Variants in FLT1 observed in about 807,000 individuals in gnomAD.
FLT1 encodes fms related receptor tyrosine kinase 1.
Under a neutral mutation model 156.3 loss-of-function variants are expected in FLT1, and 49 were observed. The observed-to-expected ratio is 0.31, with a 90% CI of 0.25 to 0.40. FLT1 has a LOEUF of 0.40. FLT1 is among the 10% of genes least tolerant of loss of function. FLT1 has a pLI of 1.00. For synonymous variants in FLT1, 594 were observed against 583.8 expected, an observed-to-expected ratio of 1.02 and a Z score of -0.25; for missense variants, 1,322 against 1,637.2, an observed-to-expected ratio of 0.81 and a Z score of 3.32.
At chr13:28,427,132 G>T (rs1300592880) in intron 10 of FLT1, 27 bp downstream of exon 10, 1 of 1,606,890 alleles carries the variant, frequency 6.2e-7, no homozygotes, top group Admixed American at 1.7e-5. Flanking sequence ...GTATTTGAAA[G>T]TTAGTAAAAA....
intron 2 of FLT1, among the ~76,000 whole-genome samples, 155 bp downstream of exon 2, chr13:28,467,366 C>T (rs1879909158): frequency 6.6e-6 from 1 of 152,036 alleles, no homozygotes; most frequent in South Asian, 2.1e-4. Context: ...TCTCCCTTCC[C>T]CATGAATCCC....
chr13:28,301,147 A>G lies in FLT1; in HGVS notation c.*2020T>C. The G allele has an allele frequency of 4.3e-6, 1 of 229,964 alleles. No homozygotes were observed. The highest frequency in any genetic ancestry group is 8.5e-6 in the Non-Finnish European group (1 of 117,302). The allele number at this position is 229,964 out of a possible 1,614,324, so 14.2% of individuals were successfully genotyped here. A position where few individuals can be genotyped will look rare whatever the true frequency, so the allele number is the denominator to read the frequency against. On this transcript the variant is annotated 3_prime_UTR_variant, in exon 30 of 30. Transcript: ENST00000282397. Reference sequence around the variant, plus strand: ...AGCTAAGGTTTTATTTGTTATCACTATTTGCTGGGCTATTATCTGATTTGG... The same window carrying G: ...AGCTAAGGTTTTATTTGTTATCACTGTTTGCTGGGCTATTATCTGATTTGG...
intron 15 of FLT1, among the ~76,000 whole-genome samples, chr13:28,355,319 A>G (rs1263797004): frequency 2.6e-5 from 4 of 152,222 alleles, no homozygotes; most frequent in Non-Finnish European, 5.9e-5. Context: ...AGGATTAAGT[A>G]TGTCACAAGT....
At chr13:28,309,299 A>AGGAT (rs1310999829) in intron 27 of FLT1, among the ~76,000 whole-genome samples, 1 of 152,226 alleles carries the variant, frequency 6.6e-6, no homozygotes, top group Admixed American at 6.5e-5. Context: ...TGCTCTGAAA[A>AGGAT]GGATGTGAGG....
intron 6 of FLT1, among the ~76,000 whole-genome samples, chr13:28,432,806 C>T (rs1218142974): frequency 6.6e-6 from 1 of 152,218 alleles, no homozygotes; most frequent in Non-Finnish European, 1.5e-5. Context: ...AAAGTTTCTT[C>T]CCTCTTGGCA....
intron 16 of FLT1, among the ~76,000 whole-genome samples, chr13:28,344,007 G>GCCCCCCCC (rs1555302045): frequency 2.0e-4 from 29 of 146,090 alleles, no homozygotes; most frequent in Admixed American, 1.1e-3. Flanking sequence ...ATTCACTCTT[G>GCCCCCCCC]CCCCCCACCA....
chr13:28,383,285 G>A (rs1035050292), intron 14 of FLT1, among the ~76,000 whole-genome samples: 11 of 151,828 alleles, frequency 7.2e-5, no homozygotes, highest in Non-Finnish European at 1.6e-4. Flanking sequence ...AATTCCACAA[G>A]TTCCAAAAAC....
chr13:28,440,936 A>G (rs1338855966), intron 3 of FLT1, among the ~76,000 whole-genome samples: 2 of 152,116 alleles, frequency 1.3e-5, no homozygotes, highest in African/African-American at 4.8e-5. Context: ...CCTCCTCCCA[A>G]GAATGTCAGG....
intron 10 of FLT1, among the ~76,000 whole-genome samples, chr13:28,426,847 C>G (rs1215649354): frequency 6.6e-6 from 1 of 152,192 alleles, no homozygotes; most frequent in East Asian, 1.9e-4. Context: ...TAGGGATCTT[C>G]AGTTGAGAAA....
At chr13:28,382,202 T>G (rs938578067) in intron 14 of FLT1, among the ~76,000 whole-genome samples, 1 of 152,112 alleles carries the variant, frequency 6.6e-6, no homozygotes, top group African/African-American at 2.4e-5. Context: ...TTGTGGGAGT[T>G]GTGTAAGGCC....
chr13:28,391,193 T>A (rs1874690548), intron 12 of FLT1, among the ~76,000 whole-genome samples: 1 of 152,198 alleles, frequency 6.6e-6, no homozygotes. Flanking sequence ...CTCTAACATA[T>A]TTTAAACATG....
intron 1 of FLT1, among the ~76,000 whole-genome samples, chr13:28,474,866 C>T (rs1880458235): frequency 6.6e-6 from 1 of 152,000 alleles, no homozygotes; most frequent in South Asian, 2.1e-4. Flanking sequence ...TGAGATTTAC[C>T]TCAATAAAGC....
intron 3 of FLT1, among the ~76,000 whole-genome samples, chr13:28,459,081 A>G (rs1879421457): frequency 1.3e-5 from 2 of 152,254 alleles, no homozygotes; most frequent in African/African-American, 4.8e-5. Flanking sequence ...CAGATGGGCC[A>G]GAAAATTCCT....
chr13:28,467,880 G>A (rs1325647129), intron 1 of FLT1, among the ~76,000 whole-genome samples: 2 of 151,974 alleles, frequency 1.3e-5, no homozygotes, highest in African/African-American at 4.8e-5. Flanking sequence ...TATTTATGTA[G>A]AATGGTAATG....
rs1555297833 is a variant in FLT1, at chr13:28,303,499, C to CCT, written c.3816-132_3816-131insAG. The CCT allele has an allele frequency of 5.1e-6, 4 of 789,994 alleles. No homozygotes were observed. In the East Asian group the frequency reaches 8.0e-5, roughly 16 times the overall value. 48.9% of individuals were successfully genotyped at this position (789,994 alleles called of 1,614,324 possible). A position where few individuals can be genotyped will look rare whatever the true frequency, so the allele number is the denominator to read the frequency against. On this transcript the variant is annotated intron_variant, in intron 29 of 29. Transcript: ENST00000282397. Reference sequence around the variant, plus strand: ...AGAGTTCATGGTTTTGGAACCCCCCCCCCCTCAATTGCTGTCAGATTTCCT... The same window carrying CCT: ...AGAGTTCATGGTTTTGGAACCCCCCCCTCCCCTCAATTGCTGTCAGATTTCCT...
At chr13:28,360,737 T>C (rs1229165810) in intron 14 of FLT1, among the ~76,000 whole-genome samples, 1 of 152,102 alleles carries the variant, frequency 6.6e-6, no homozygotes, top group East Asian at 1.9e-4. Context: ...GGTACAAAGT[T>C]ACAGTTAGAT....
chr13:28,466,780 A>C, intron 3 of FLT1, 123 bp downstream of exon 3: 1 of 745,730 alleles, frequency 1.3e-6, no homozygotes, highest in Non-Finnish European at 2.4e-6. Context: ...CTAGGATGGA[A>C]TCTCTTTCCT....
At chr13:28,397,117 T>C (rs372379948) in intron 11 of FLT1, 49 bp from the exon 12 acceptor site, 27 of 1,046,052 alleles carry the variant, frequency 2.6e-5, no homozygotes, top group Non-Finnish European at 4.1e-5. Context: ...AATAACTAAT[T>C]GAACACCCCA....
chr13:28,422,102 T>G (rs1407048948), intron 10 of FLT1, among the ~76,000 whole-genome samples: 1 of 152,258 alleles, frequency 6.6e-6, no homozygotes, highest in Non-Finnish European at 1.5e-5. Context: ...GTTTTACACG[T>G]GGTTGGTGCC....
Sources: gnomAD v4.1 joint callset for allele counts (sites outside exome capture counted in the v4.1 genomes callset) on GRCh38, gnomAD v4.1.1 for gene constraint, MANE v1.5 for transcripts, NCBI Gene and HGNC (gene_info 2026-07-23, HGNC 2026-07-21) for gene names.